NRG3: variants seen among roughly 807,000 people sequenced by gnomAD.
NRG3 encodes pro-neuregulin-3, membrane-bound isoform.
NRG3 carries 31 observed loss-of-function variants against 66.9 expected under a neutral mutation model. The ratio of observed to expected loss-of-function variants is 0.46; its 90% CI spans 0.35 to 0.63. The LOEUF (loss-of-function observed/expected upper bound fraction) is 0.63, where lower values mean the gene tolerates loss of function less well. NRG3 is among the 20% of genes least tolerant of loss of function. The pLI is 0.00. For missense variants in NRG3, 910 were observed against 878.9 expected (o/e 1.04, Z -0.45); for synonymous variants, 393 against 359.4 (o/e 1.09, Z -1.06).
intron 2 of NRG3, among the ~76,000 whole-genome samples, chr10:82,598,097 TTTAAATTCATCA>T (rs1347844700): frequency 1.5e-4 from 23 of 152,308 alleles, no homozygotes; most frequent in African/African-American, 5.5e-4. Flanking sequence ...TTAGAAATTA[TTTAAATTCATCA>T]TTTTTATAGA....
At chr10:82,957,838 T>C (rs1850211183) in intron 5 of NRG3, among the ~76,000 whole-genome samples, 1 of 152,154 alleles carries the variant, frequency 6.6e-6, no homozygotes, top group African/African-American at 2.4e-5. Flanking sequence ...CAAATAAATA[T>C]TTTCTTTTAG....
chr10:82,865,832 T>C (rs1309483546), intron 4 of NRG3, among the ~76,000 whole-genome samples: 2 of 152,234 alleles, frequency 1.3e-5, no homozygotes, highest in Admixed American at 1.3e-4. Flanking sequence ...CAATGGTTTT[T>C]AAATGTCAGT....
intron 1 of NRG3, among the ~76,000 whole-genome samples, chr10:82,130,899 T>A (rs765334474): frequency 6.6e-6 from 1 of 152,224 alleles, no homozygotes; most frequent in Non-Finnish European, 1.5e-5. Flanking sequence ...CTGGACTTTT[T>A]TCCTATGGAG....
At position 82,132,837 on chromosome 10, in the gene NRG3, G is replaced by A. The variant is rs561321119; in HGVS notation, c.824-225902G>A. Among the ~76,000 whole-genome samples, 4 of 151,328 alleles carry A rather than the reference G, an allele frequency of 2.6e-5. No individual in the cohort carries two copies. The East Asian group carries it at 5.8e-4, about 22-fold the overall frequency. On this transcript the variant is annotated intron_variant, in intron 1 of 8. Coordinates refer to ENST00000372141, the MANE Select transcript of NRG3 (RefSeq NM_001010848.4). ...GTATCTAGGAATTTATCCTTTTCTT[G>A]TAGGTTTTTCAATTTATTGACATAT...
At chr10:82,758,021 G>A (rs2059148320) in intron 3 of NRG3, among the ~76,000 whole-genome samples, 1 of 151,996 alleles carries the variant, frequency 6.6e-6, no homozygotes, top group Admixed American at 6.6e-5. Context: ...ACTTAGACAG[G>A]TGTCCCATGT....
intron 2 of NRG3, among the ~76,000 whole-genome samples, chr10:82,550,639 G>A (rs542491632): frequency 6.6e-6 from 1 of 152,214 alleles, no homozygotes; most frequent in South Asian, 2.1e-4. Context: ...AATTCCTTGG[G>A]TTGTCCTATG....
intron 2 of NRG3, among the ~76,000 whole-genome samples, chr10:82,410,880 C>T (rs986080075): frequency 1.3e-5 from 2 of 152,040 alleles, no homozygotes; most frequent in Admixed American, 6.6e-5. Flanking sequence ...CAGTAGTACA[C>T]AAAGTGATGT....
At chr10:82,418,812 GCTGGTCTCAA>G (rs2088834986) in intron 2 of NRG3, among the ~76,000 whole-genome samples, 6 of 151,656 alleles carry the variant, frequency 4.0e-5, no homozygotes, top group African/African-American at 1.5e-4. Context: ...TGTTGCCTAA[GCTGGTCTCAA>G]ACTCCTGGTC....
chr10:82,632,260 G>A (rs1357794019), intron 2 of NRG3, among the ~76,000 whole-genome samples: 2 of 152,022 alleles, frequency 1.3e-5, no homozygotes, highest in Non-Finnish European at 2.9e-5. Flanking sequence ...AATGGCCTTT[G>A]GGCATATCGT....
intron 1 of NRG3, chr10:82,229,322 T>C (rs754711600): frequency 6.6e-6 from 1 of 152,196 alleles, no homozygotes; most frequent in East Asian, 1.9e-4. Flanking sequence ...CCAAATGTAT[T>C]ACTAAATTAA....
chr10:82,949,940 CAT>C (rs1466345169), intron 4 of NRG3, among the ~76,000 whole-genome samples: 4 of 151,772 alleles, frequency 2.6e-5, no homozygotes, highest in Non-Finnish European at 4.4e-5. Flanking sequence ...CAAAGAAAAA[CAT>C]ATCTCCTCAG....
At chr10:82,861,450 G>A (rs970317938) in intron 3 of NRG3, among the ~76,000 whole-genome samples, 3 of 152,086 alleles carry the variant, frequency 2.0e-5, no homozygotes, top group African/African-American at 7.2e-5. Context: ...TTCAGTGTTT[G>A]AATAATTTCC....
At chr10:82,508,438 G>A (rs1019535107) in intron 2 of NRG3, among the ~76,000 whole-genome samples, 6 of 152,122 alleles carry the variant, frequency 3.9e-5, no homozygotes, top group African/African-American at 1.2e-4. Flanking sequence ...AACAACTGTA[G>A]TAAAATTAAA....
intron 2 of NRG3, among the ~76,000 whole-genome samples, chr10:82,493,870 G>C (rs1304409576): frequency 2.0e-5 from 3 of 150,328 alleles, no homozygotes; most frequent in Non-Finnish European, 4.4e-5. Context: ...CTAATATCCA[G>C]AATCTACACG....
At position 82,014,972 on chromosome 10, in the gene NRG3, T is replaced by A. The variant is rs1416547771; in HGVS notation, c.823+138809T>A. ...TCTGTGTTAATGAAGAAATGCTGGA[T>A]TCTGCAGTAAGCTTTCTGGGAGTCT... On this transcript the variant is annotated intron_variant, in intron 1 of 8. Transcript: ENST00000372141. Among the ~76,000 whole-genome samples the A allele has an allele frequency of 3.9e-5, 6 of 152,162 alleles. No homozygotes were observed. The East Asian group carries it at 9.6e-4, about 24-fold the overall frequency.
chr10:81,964,491 T>C lies in NRG3; in HGVS notation c.823+88328T>C, dbSNP rs541000506. Among the ~76,000 whole-genome samples the C allele has an allele frequency of 2.0e-5, 3 of 151,344 alleles. No individual in the cohort carries two copies. In the South Asian group the frequency reaches 6.3e-4, roughly 32 times the overall value. On this transcript the variant is annotated intron_variant, in intron 1 of 8. Coordinates refer to ENST00000372141, the MANE Select transcript of NRG3 (RefSeq NM_001010848.4). ...CAAATTCCATCTCATGACCGTACAG[T>C]AGTGAATTTAACTCTTCCCCTACAG...
At chr10:82,454,194 G>A (rs2091165295) in intron 2 of NRG3, among the ~76,000 whole-genome samples, 1 of 152,128 alleles carries the variant, frequency 6.6e-6, no homozygotes, top group African/African-American at 2.4e-5. Context: ...AGTGCTAGTG[G>A]AGCCACAACT....
At chr10:82,544,913 G>A (rs2043792206) in intron 2 of NRG3, among the ~76,000 whole-genome samples, 1 of 152,148 alleles carries the variant, frequency 6.6e-6, no homozygotes, top group African/African-American at 2.4e-5. Flanking sequence ...GTACCTACCA[G>A]CTTCCATTTT....
At chr10:82,901,336 TTG>T (rs1437553352) in intron 4 of NRG3, among the ~76,000 whole-genome samples, 2 of 152,112 alleles carry the variant, frequency 1.3e-5, no homozygotes, top group Non-Finnish European at 2.9e-5. Context: ...CTCTATGTGT[TTG>T]TGTGTGTGTA....
Sources: gnomAD v4.1 joint callset for allele counts (sites outside exome capture counted in the v4.1 genomes callset) on GRCh38, gnomAD v4.1.1 for gene constraint, MANE v1.5 for transcripts, NCBI Gene and HGNC (gene_info 2026-07-23, HGNC 2026-07-21) for gene names.